Variants in FAM227B observed in about 807,000 individuals in gnomAD.
The protein encoded by FAM227B is family with sequence similarity 227 member B, also known as protein FAM227B.
FAM227B carries 88 observed loss-of-function variants against 73.8 expected under a neutral mutation model. The observed-to-expected ratio is 1.19, with a 90% CI of 1.00 to 1.42. The LOEUF (loss-of-function observed/expected upper bound fraction) is 1.42, where lower values mean the gene tolerates loss of function less well. Ranked by LOEUF, FAM227B falls within the 40% of genes most tolerant of loss-of-function variation. The probability of loss-of-function intolerance (pLI) is 0.00; values close to 1 mark genes in which losing one functional copy is unlikely to be tolerated. For missense variants in FAM227B, 632 were observed against 590.9 expected, an observed-to-expected ratio of 1.07 and a Z score of -0.72; for synonymous variants, 210 against 190.5, an observed-to-expected ratio of 1.10 and a Z score of -0.84.
chr15:49,563,217 C>G (rs1250914502), intron 9 of FAM227B, among the ~76,000 whole-genome samples: 1 of 151,844 alleles, frequency 6.6e-6, no homozygotes, highest in East Asian at 1.9e-4. Context: ...AAGCTGAGAG[C>G]CAAATTAAGA....
intron 12 of FAM227B, among the ~76,000 whole-genome samples, chr15:49,368,498 G>GAA (rs1166230367): frequency 6.6e-6 from 1 of 152,096 alleles, no homozygotes; most frequent in Admixed American, 6.6e-5. Flanking sequence ...AGCAGCTACA[G>GAA]AACCATTTCA....
intron 11 of FAM227B, among the ~76,000 whole-genome samples, chr15:49,420,305 CTG>C (rs1435555748): frequency 6.6e-6 from 1 of 151,992 alleles, no homozygotes; most frequent in Non-Finnish European, 1.5e-5. Flanking sequence ...CTCAAATACA[CTG>C]TGATATACCC....
At chr15:49,462,867 A>T (rs1387514127) in intron 11 of FAM227B, among the ~76,000 whole-genome samples, 2 of 151,560 alleles carry the variant, frequency 1.3e-5, no homozygotes, top group Non-Finnish European at 2.9e-5. Context: ...ATTACATTCA[A>T]AATAAATAAA....
intron 5 of FAM227B, among the ~76,000 whole-genome samples, chr15:49,583,654 C>CAA (rs200243389): frequency 0.25 from 25,303 of 103,224 alleles, 2,779 homozygotes; most frequent in Admixed American, 0.38. Context: ...TTTCACTTGG[C>CAA]AAAAAAAAAA....
chr15:49,514,800 C>A (rs2152130376), intron 10 of FAM227B, among the ~76,000 whole-genome samples: 1 of 152,174 alleles, frequency 6.6e-6, no homozygotes, highest in Non-Finnish European at 1.5e-5. Context: ...ATGCACTATG[C>A]TTTTGATGTC....
chr15:49,473,069 T>C (rs561542704), intron 11 of FAM227B, among the ~76,000 whole-genome samples: 1 of 152,184 alleles, frequency 6.6e-6, no homozygotes, highest in South Asian at 2.1e-4. Context: ...TTAATTTAAC[T>C]AAAGGCATAC....
intron 11 of FAM227B, among the ~76,000 whole-genome samples, chr15:49,490,634 T>A (rs1392458616): frequency 6.6e-6 from 1 of 152,046 alleles, no homozygotes; most frequent in Non-Finnish European, 1.5e-5. Context: ...ATAGACAATA[T>A]TTAATGGGTA....
chr15:49,582,997 T>C (rs1271870309), intron 5 of FAM227B, among the ~76,000 whole-genome samples: 2 of 152,134 alleles, frequency 1.3e-5, no homozygotes, highest in East Asian at 1.9e-4. Flanking sequence ...GGGAAATTTA[T>C]AGCACTAAAT....
intron 11 of FAM227B, among the ~76,000 whole-genome samples, chr15:49,386,318 G>A (rs2046880578): frequency 6.6e-6 from 1 of 151,444 alleles, no homozygotes; most frequent in Non-Finnish European, 1.5e-5. Flanking sequence ...AGGCCACAGT[G>A]GAATAAAGCT....
At chr15:49,333,429 C>A (rs768154161) in intron 14 of FAM227B, among the ~76,000 whole-genome samples, 1 of 152,150 alleles carries the variant, frequency 6.6e-6, no homozygotes, top group Non-Finnish European at 1.5e-5. Context: ...TTGTGAGTTA[C>A]TCTGAGAATT....
At chr15:49,391,240 A>T (rs2047194742) in intron 11 of FAM227B, among the ~76,000 whole-genome samples, 1 of 152,114 alleles carries the variant, frequency 6.6e-6, no homozygotes, top group African/African-American at 2.4e-5. Flanking sequence ...ATTTATTCAC[A>T]CATTTCTTTA....
At chr15:49,448,833 A>G (rs2052463105) in intron 11 of FAM227B, among the ~76,000 whole-genome samples, 1 of 151,828 alleles carries the variant, frequency 6.6e-6, no homozygotes, top group African/African-American at 2.4e-5. Flanking sequence ...AAGCTCTCCA[A>G]GAATGAACCC....
intron 11 of FAM227B, among the ~76,000 whole-genome samples, chr15:49,384,593 T>C (rs528107424): frequency 6.2e-4 from 95 of 152,092 alleles, no homozygotes; most frequent in African/African-American, 2.1e-3. Context: ...AACATTCTTG[T>C]GTGTGTGACT....
chr15:49,463,899 G>T (rs1053147699), intron 11 of FAM227B, among the ~76,000 whole-genome samples: 12 of 151,572 alleles, frequency 7.9e-5, no homozygotes, highest in African/African-American at 2.9e-4. Flanking sequence ...AAACTGATTT[G>T]ATGTGGCTCA....
intron 10 of FAM227B, among the ~76,000 whole-genome samples, chr15:49,515,807 A>T (rs1160727180): frequency 6.6e-6 from 1 of 152,160 alleles, no homozygotes; most frequent in African/African-American, 2.4e-5. Flanking sequence ...CCTTCTTCTC[A>T]AAAACAGTAT....
At chr15:49,529,339 G>A (rs975697324) in intron 10 of FAM227B, among the ~76,000 whole-genome samples, 1 of 150,932 alleles carries the variant, frequency 6.6e-6, no homozygotes, top group African/African-American at 2.4e-5. Context: ...TTGAGAGGAG[G>A]GTCAGAGTTA....
chr15:49,616,829 T>C (rs1192163123), intron 1 of FAM227B, among the ~76,000 whole-genome samples: 1 of 152,224 alleles, frequency 6.6e-6, no homozygotes, highest in South Asian at 2.1e-4. Context: ...TATTTATTCT[T>C]AATATCCTCC....
At chr15:49,596,506 CAAAAT>C (rs1477548416) in intron 3 of FAM227B, among the ~76,000 whole-genome samples, 1 of 108,606 alleles carries the variant, frequency 9.2e-6, no homozygotes, top group African/African-American at 3.2e-5. Context: ...CAAAACAAAA[CAAAAT>C]AGAACATCCT....
chr15:49,414,593 T>C (rs1041296784), intron 11 of FAM227B, among the ~76,000 whole-genome samples: 2 of 152,196 alleles, frequency 1.3e-5, no homozygotes, highest in Non-Finnish European at 2.9e-5. Context: ...GTTGCAATTA[T>C]ATTTTAGAAA....
Sources: allele counts gnomAD v4.1 joint callset (sites outside exome capture counted in the v4.1 genomes callset), GRCh38; gene constraint gnomAD v4.1.1; transcripts MANE v1.5; gene names NCBI Gene and HGNC (gene_info 2026-07-23, HGNC 2026-07-21).